The following ATP8B1 variants were observed in gnomAD, a reference collection of about 807,000 sequenced individuals.
ATP8B1 encodes the protein phospholipid-transporting ATPase IC.
In ATP8B1, 80 loss-of-function variants were observed where a neutral mutation model predicts 149.9. The observed-to-expected ratio is 0.53, with a 90% CI of 0.45 to 0.64. ATP8B1 has a LOEUF of 0.64. ATP8B1 is among the 30% of genes least tolerant of loss of function. The probability of loss-of-function intolerance (pLI) is 0.00; values close to 1 mark genes in which losing one functional copy is unlikely to be tolerated. For missense variants in ATP8B1, 1,247 were observed against 1,552.6 expected, an observed-to-expected ratio of 0.80 and a Z score of 3.31; for synonymous variants, 536 against 562.8, an observed-to-expected ratio of 0.95 and a Z score of 0.67.
intron 1 of ATP8B1, among the ~76,000 whole-genome samples, chr18:57,769,843 A>G (rs1241854088): frequency 6.6e-6 from 1 of 152,228 alleles, no homozygotes; most frequent in Non-Finnish European, 1.5e-5. Context: ...TATTGAGCCA[A>G]TGCTATGTGT....
chr18:57,691,677 A>C, intron 12 of ATP8B1, 130 bp downstream of exon 12: 1 of 1,222,134 alleles, frequency 8.2e-7, no homozygotes, highest in South Asian at 1.5e-5. Context: ...CTCAATTCTG[A>C]AATGAACGTG....
intron 1 of ATP8B1, among the ~76,000 whole-genome samples, chr18:57,795,454 C>T (rs1262074086): frequency 6.6e-6 from 1 of 152,016 alleles, no homozygotes; most frequent in African/African-American, 2.4e-5. Flanking sequence ...GTGAAAACTA[C>T]CCAAATATCT....
chr18:57,690,414 C>A (rs1232982297), intron 12 of ATP8B1, among the ~76,000 whole-genome samples: 1 of 152,232 alleles, frequency 6.6e-6, no homozygotes, highest in Non-Finnish European at 1.5e-5. Context: ...TCTGGAAGAA[C>A]TTGCTCCAGC....
chr18:57,756,206 TATATACACACACACAC>T (rs1375737841), intron 1 of ATP8B1, among the ~76,000 whole-genome samples: 2 of 79,444 alleles, frequency 2.5e-5, no homozygotes, highest in African/African-American at 1.1e-4. Flanking sequence ...TATATATATA[TATATACACACACACAC>T]ACACACACAC....
chr18:57,691,584 C>T (rs1368157803), intron 12 of ATP8B1, among the ~76,000 whole-genome samples: 2 of 152,192 alleles, frequency 1.3e-5, no homozygotes, highest in African/African-American at 4.8e-5. Context: ...AAATTCCCTA[C>T]CCTTATCTGC....
chr18:57,681,662 G>C (rs539113313), intron 15 of ATP8B1, among the ~76,000 whole-genome samples: 1 of 151,950 alleles, frequency 6.6e-6, no homozygotes, highest in African/African-American at 2.4e-5. Context: ...TTAGCTGGGC[G>C]TGGTGGTGGG....
At chr18:57,796,142 T>C (rs558462116) in intron 1 of ATP8B1, among the ~76,000 whole-genome samples, 154 of 152,302 alleles carry the variant, frequency 1.0e-3, no homozygotes, top group Non-Finnish European at 1.8e-3. Flanking sequence ...CATTCCAGCC[T>C]GCATGACAGA....
At chr18:57,681,568 A>G (rs1215085244) in intron 15 of ATP8B1, among the ~76,000 whole-genome samples, 3 of 152,124 alleles carry the variant, frequency 2.0e-5, no homozygotes, top group African/African-American at 4.8e-5. Flanking sequence ...TGGGAGGTTG[A>G]GGTGGGCAGA....
At chr18:57,689,877 A>G (rs1424911844) in intron 12 of ATP8B1, among the ~76,000 whole-genome samples, 1 of 152,162 alleles carries the variant, frequency 6.6e-6, no homozygotes, top group Non-Finnish European at 1.5e-5. Context: ...TTAGCCAGGC[A>G]TAGTGGCATG....
chr18:57,752,972 C>T (rs1456605350), intron 1 of ATP8B1, among the ~76,000 whole-genome samples: 2 of 152,120 alleles, frequency 1.3e-5, no homozygotes, highest in Non-Finnish European at 2.9e-5. Flanking sequence ...CATTTGAATC[C>T]AAATCCTGCA....
In ATP8B1 at chr18:57,661,366, T is replaced by A. The variant is rs1470777949; in HGVS notation, c.2515A>T (p.Lys839Ter). The change falls in exon 22 of 28, where the codon AAA becomes TAA. Residue 839 changes from lysine to a stop codon, truncating the protein, a stop_gained. Transcript: ENST00000648908. LOFTEE classifies it high-confidence loss of function. ...TCTTTCTTAGCTTCTAGCCTCCTTT[T>A]ACTTTGGGTCCGCATCCGTCTTTCT... The part of the protein sequence containing the change: ...EEERRMRTQS[K>*]RRLEAKKEQR... 2 of 1,613,996 alleles carry A rather than the reference T, an allele frequency of 1.2e-6. No individual in the cohort carries two copies. Among genetic ancestry groups the A allele is most frequent in the East Asian group, 4.5e-5 (2 of 44,848 alleles).
chr18:57,760,810 G>C (rs2080142352), intron 1 of ATP8B1, among the ~76,000 whole-genome samples: 1 of 151,946 alleles, frequency 6.6e-6, no homozygotes. Context: ...CTACCATGGT[G>C]AAACCCCGTC....
chr18:57,683,792 C>A (rs1039844292), intron 15 of ATP8B1, among the ~76,000 whole-genome samples: 15 of 152,034 alleles, frequency 9.9e-5, no homozygotes, highest in Non-Finnish European at 1.5e-5. Flanking sequence ...ATTTCATTTG[C>A]AAAGTGAAAA....
chr18:57,696,348 G>GT (rs899898461), intron 8 of ATP8B1, among the ~76,000 whole-genome samples: 10 of 152,310 alleles, frequency 6.6e-5, no homozygotes, highest in African/African-American at 2.4e-4. Flanking sequence ...GAGGTCAGGA[G>GT]TTTGAGACCA....
rs1196715535 is a variant in ATP8B1, at chr18:57,802,184, G to A, written c.-26+814C>T. Reference sequence around the variant, plus strand: ...GAAGGAGGGAGTTGGAGAAGTGGGGGCGAGGGGTGTTAAAGCACTGGGCCA... The same window carrying A: ...GAAGGAGGGAGTTGGAGAAGTGGGGACGAGGGGTGTTAAAGCACTGGGCCA... On this transcript the variant is annotated intron_variant, in intron 1 of 27. Coordinates refer to ENST00000648908, the MANE Select transcript of ATP8B1 (RefSeq NM_001374385.1). This position sits in a 1 kb window ranked among gnomAD's most constrained non-coding sequence, Gnocchi z 4.9. Among the ~76,000 whole-genome samples, 1 of 152,080 alleles carries A rather than the reference G, an allele frequency of 6.6e-6. No homozygotes were observed. The highest frequency in any genetic ancestry group is 1.5e-5 in the Non-Finnish European group (1 of 68,006).
At chr18:57,748,760 C>A (rs962985767) in intron 1 of ATP8B1, among the ~76,000 whole-genome samples, 8 of 152,196 alleles carry the variant, frequency 5.3e-5, no homozygotes, top group African/African-American at 1.9e-4. Flanking sequence ...ACCATGTTTT[C>A]TTTTCTCTCT....
At chr18:57,685,367 C>T (rs1912182848) in intron 13 of ATP8B1, among the ~76,000 whole-genome samples, 1 of 152,146 alleles carries the variant, frequency 6.6e-6, no homozygotes, top group Admixed American at 6.6e-5. Flanking sequence ...CTTTACCTCT[C>T]CCAAGTCAGA....
chr18:57,795,413 T>C (rs2080505103), intron 1 of ATP8B1, among the ~76,000 whole-genome samples: 1 of 152,104 alleles, frequency 6.6e-6, no homozygotes, highest in South Asian at 2.1e-4. Context: ...AAAAAAAATT[T>C]TTTTAATTGA....
chr18:57,775,887 G>A lies in ATP8B1; in HGVS notation c.-26+27111C>T, dbSNP rs552213068. ...TCAAACTCCCGACCTCAGGTGATCC[G>A]CCTGCCTTGGCCTCCCAAAGTGCTG... On this transcript the variant is annotated intron_variant, in intron 1 of 27. Transcript: ENST00000648908. Among the ~76,000 whole-genome samples the A allele has an allele frequency of 1.6e-4, 24 of 152,204 alleles. 1 individual carries two copies. The highest frequency in any genetic ancestry group is 4.3e-4 in the African/African-American group (18 of 41,526).
Sources: allele counts gnomAD v4.1 joint callset (sites outside exome capture counted in the v4.1 genomes callset), GRCh38; gene constraint gnomAD v4.1.1; non-coding constraint Gnocchi (gnomAD v3.1); transcripts MANE v1.5; gene names NCBI Gene and HGNC (gene_info 2026-07-23, HGNC 2026-07-21).